Variants in ANXA3 observed in about 807,000 individuals in gnomAD.
ANXA3 encodes the protein 35-alpha calcimedin.
In ANXA3, 46 loss-of-function variants were observed where a neutral mutation model predicts 48.8. That is an observed-to-expected ratio of 0.94 (90% confidence interval 0.74 to 1.21). ANXA3 has a LOEUF of 1.21. Ranked by LOEUF, ANXA3 falls within the 50% of genes most tolerant of loss-of-function variation. The probability of loss-of-function intolerance (pLI) is 0.00; values close to 1 mark genes in which losing one functional copy is unlikely to be tolerated. For missense variants in ANXA3, 383 were observed against 378.6 expected (o/e 1.01, Z -0.10); for synonymous variants, 128 against 134.7 (o/e 0.95, Z 0.35).
At chr4:78,572,716 T>C (rs1043065327) in intron 2 of ANXA3, among the ~76,000 whole-genome samples, 4 of 152,168 alleles carry the variant, frequency 2.6e-5, no homozygotes, top group South Asian at 2.1e-4. Context: ...ATAATAGTGA[T>C]GCTATCTGCA....
At chr4:78,555,641 C>T (rs925472778) in intron 2 of ANXA3, among the ~76,000 whole-genome samples, 1 of 150,996 alleles carries the variant, frequency 6.6e-6, no homozygotes, top group Non-Finnish European at 1.5e-5. Context: ...AAGTTCGAGA[C>T]CAGCATGGGT....
chr4:78,586,098 T>C (rs932508039), intron 5 of ANXA3, among the ~76,000 whole-genome samples, 162 bp from the exon 6 acceptor site: 3 of 152,320 alleles, frequency 2.0e-5, no homozygotes, highest in Middle Eastern at 3.4e-3. Flanking sequence ...TTTATGTTAT[T>C]ACTAAAATAT....
In ANXA3 at chr4:78,554,606, A is replaced by T. The variant is rs149235896; in HGVS notation, c.15+118A>T. 2,325 of 838,620 alleles carry T rather than the reference A, an allele frequency of 2.8e-3. 31 individuals carry two copies. Among genetic ancestry groups the T allele is most frequent in the Admixed American group, 0.025 (1,333 of 53,524 alleles). 51.9% of individuals were successfully genotyped at this position (838,620 alleles called of 1,614,324 possible). On this transcript the variant is annotated intron_variant, in intron 2 of 12. Coordinates refer to ENST00000264908, the MANE Select transcript of ANXA3 (RefSeq NM_005139.3). ...TTTTTAAGTTTATCTGGCAAAATTAACATGCTAGAAAAGCCAGAGGATGTC... is the reference window on the plus strand; with the variant it reads ...TTTTTAAGTTTATCTGGCAAAATTATCATGCTAGAAAAGCCAGAGGATGTC...
At chr4:78,591,390 C>A (rs1723292330) in intron 6 of ANXA3, among the ~76,000 whole-genome samples, 154 bp from the exon 7 acceptor site, 1 of 152,202 alleles carries the variant, frequency 6.6e-6, no homozygotes, top group Admixed American at 6.5e-5. Flanking sequence ...TGTACCATCT[C>A]ACAACAGAAA....
At chr4:78,610,018 A>G (rs750466879) in intron 12 of ANXA3, 38 bp from the exon 13 acceptor site, 1 of 1,488,488 alleles carries the variant, frequency 6.7e-7, no homozygotes, top group East Asian at 2.3e-5. Flanking sequence ...CCCATTATTT[A>G]TACTGTATTT....
chr4:78,589,334 T>A (rs760122637), intron 6 of ANXA3, among the ~76,000 whole-genome samples: 4 of 152,176 alleles, frequency 2.6e-5, no homozygotes, highest in Non-Finnish European at 4.4e-5. Flanking sequence ...AGGATACAAC[T>A]GCATCAAGGT....
intron 9 of ANXA3, 163 bp from the exon 10 acceptor site, chr4:78,597,156 G>T (rs886610093): frequency 4.3e-5 from 24 of 556,292 alleles, no homozygotes; most frequent in Middle Eastern, 4.8e-4. Context: ...CCTTAAAAAG[G>T]AACAAAAGAA....
At chr4:78,606,986 G>T (rs893394207) in intron 12 of ANXA3, among the ~76,000 whole-genome samples, 4 of 152,106 alleles carry the variant, frequency 2.6e-5, no homozygotes, top group Non-Finnish European at 5.9e-5. Flanking sequence ...AGCTACTAAG[G>T]CAGAAAAATA....
intron 2 of ANXA3, among the ~76,000 whole-genome samples, chr4:78,557,314 C>T (rs1438747397): frequency 6.6e-6 from 1 of 152,144 alleles, no homozygotes; most frequent in South Asian, 2.1e-4. Flanking sequence ...ATTCTCTTCT[C>T]CCTCCAGCTG....
intron 2 of ANXA3, among the ~76,000 whole-genome samples, chr4:78,559,511 A>G (rs1722584382): frequency 6.6e-6 from 1 of 152,254 alleles, no homozygotes; most frequent in Non-Finnish European, 1.5e-5. Context: ...GAAAGGGAAT[A>G]TAGAGCTACT....
At chr4:78,593,265 C>A (rs556111894) in intron 7 of ANXA3, among the ~76,000 whole-genome samples, 1 of 151,920 alleles carries the variant, frequency 6.6e-6, no homozygotes, top group African/African-American at 2.4e-5. Flanking sequence ...TGCTGTGGTG[C>A]GATCTCGGCT....
At chr4:78,588,092 T>C (rs906105663) in intron 6 of ANXA3, among the ~76,000 whole-genome samples, 1 of 151,788 alleles carries the variant, frequency 6.6e-6, no homozygotes, top group African/African-American at 2.4e-5. Context: ...TGAGATTCCA[T>C]CTCAAAAGAA....
intron 6 of ANXA3, among the ~76,000 whole-genome samples, chr4:78,589,945 A>G (rs567885587): frequency 1.3e-5 from 2 of 152,356 alleles, no homozygotes; most frequent in African/African-American, 4.8e-5. Context: ...TCAAAGTTCT[A>G]GTCCAGGCAC....
At chr4:78,562,947 G>A (rs1722654273) in intron 2 of ANXA3, among the ~76,000 whole-genome samples, 2 of 152,062 alleles carry the variant, frequency 1.3e-5, no homozygotes, top group African/African-American at 4.8e-5. Flanking sequence ...AGATTCCCAC[G>A]AAGCAAAAAC....
chr4:78,606,199 G>A (rs1723642563), intron 12 of ANXA3, among the ~76,000 whole-genome samples: 2 of 152,206 alleles, frequency 1.3e-5, no homozygotes, highest in Non-Finnish European at 2.9e-5. Flanking sequence ...ACCCTTGAAT[G>A]TCTCGAGGAA....
intron 6 of ANXA3, among the ~76,000 whole-genome samples, chr4:78,586,742 G>C (rs979281035): frequency 6.6e-6 from 1 of 152,210 alleles, no homozygotes; most frequent in Admixed American, 6.5e-5. Flanking sequence ...TAATTTAGAG[G>C]ATGTGTTGAG....
chr4:78,600,284 C>T (rs1276277215), intron 10 of ANXA3, among the ~76,000 whole-genome samples: 1 of 152,190 alleles, frequency 6.6e-6, no homozygotes, highest in Admixed American at 6.5e-5. Context: ...GTGATAAAGC[C>T]TCCTTCCCAC....
intron 2 of ANXA3, 51 bp from the exon 3 acceptor site, chr4:78,573,129 C>A (rs1174397233): frequency 2.2e-6 from 3 of 1,355,870 alleles, no homozygotes; most frequent in Admixed American, 1.7e-5. Flanking sequence ...ATATGTAATA[C>A]AAGAAAGATG....
At chr4:78,563,840 T>G (rs1378196473) in intron 2 of ANXA3, among the ~76,000 whole-genome samples, 1 of 152,156 alleles carries the variant, frequency 6.6e-6, no homozygotes, top group Non-Finnish European at 1.5e-5. Context: ...TATATATTCC[T>G]GTTAGATTGC....
Sources: gnomAD v4.1 joint callset for allele counts (sites outside exome capture counted in the v4.1 genomes callset) on GRCh38, gnomAD v4.1.1 for gene constraint, MANE v1.5 for transcripts, NCBI Gene and HGNC (gene_info 2026-07-23, HGNC 2026-07-21) for gene names.